SLC7A1: variants seen among roughly 807,000 people sequenced by gnomAD.
SLC7A1 encodes high affinity cationic amino acid transporter 1.
In SLC7A1, 10 loss-of-function variants were observed where a neutral mutation model predicts 53.9. The observed-to-expected ratio is 0.19, with a 90% confidence interval of 0.11 to 0.31. The LOEUF (loss-of-function observed/expected upper bound fraction) is 0.31, where lower values mean the gene tolerates loss of function less well. SLC7A1 is among the 10% of genes least tolerant of loss of function. The probability of loss-of-function intolerance (pLI) is 1.00; values close to 1 mark genes in which losing one functional copy is unlikely to be tolerated. For missense variants in SLC7A1, 525 were observed against 827.2 expected, an observed-to-expected ratio of 0.63 and a Z score of 4.48; for synonymous variants, 342 against 338.7, an observed-to-expected ratio of 1.01 and a Z score of -0.11.
At chr13:29,555,519 T>C (rs980840187) in intron 1 of SLC7A1, among the ~76,000 whole-genome samples, 18 of 151,842 alleles carry the variant, frequency 1.2e-4, no homozygotes, top group African/African-American at 4.1e-4. Context: ...TGCTCTATCA[T>C]GTACCATGAG....
chr13:29,533,163 C>A (rs999924980), intron 3 of SLC7A1, among the ~76,000 whole-genome samples, 181 bp from the exon 4 acceptor site: 2 of 152,138 alleles, frequency 1.3e-5, no homozygotes, highest in Non-Finnish European at 2.9e-5. Flanking sequence ...GTGCTAAGTG[C>A]GAGAAGGCTT....
Position 29,541,277 on chromosome 13 carries a change from T to TA in SLC7A1, c.-14-5076dup, listed in dbSNP as rs993262097. 9.9e-5 allele frequency among the ~76,000 whole-genome samples: 15 copies of TA among 151,994 alleles called. No individual in the cohort carries two copies. The Middle Eastern group carries it at 0.01, about 103-fold the overall frequency. On this transcript the variant is annotated intron_variant, in intron 2 of 12. Transcript: ENST00000380752. Reference sequence around the variant, plus strand: ...ACGGAAGGAGGTAGGCATGGTGTTATAAAAAAAGAGGTAAGGAAGAGACAG... The same window carrying TA: ...ACGGAAGGAGGTAGGCATGGTGTTATAAAAAAAAGAGGTAAGGAAGAGACAG...
intron 1 of SLC7A1, among the ~76,000 whole-genome samples, chr13:29,582,842 G>A (rs555203579): frequency 3.3e-5 from 5 of 152,144 alleles, no homozygotes; most frequent in Non-Finnish European, 7.3e-5. Context: ...ACTGAGATAC[G>A]TTCCTTCTAT....
In SLC7A1 at chr13:29,555,065, A is replaced by C. The variant is rs532423976; in HGVS notation, c.-114-1205T>G. 7.9e-5 allele frequency among the ~76,000 whole-genome samples: 12 copies of C among 152,252 alleles called. No individual in the cohort carries two copies. In the South Asian group the frequency reaches 1.5e-3, roughly 18 times the overall value. ...CATATGTCAATAAGTAACTGCTAAG[A>C]ATTACATTGTGGGCCGGGCGCGGTG... is the stretch of plus-strand genomic sequence containing the variant. On this transcript the variant is annotated intron_variant, in intron 1 of 12. Transcript: ENST00000380752.
At chr13:29,538,366 G>T (rs1433971662) in intron 2 of SLC7A1, among the ~76,000 whole-genome samples, 1 of 152,190 alleles carries the variant, frequency 6.6e-6, no homozygotes, top group Non-Finnish European at 1.5e-5. Context: ...TTTGAGAAGA[G>T]CAGGAAAAGG....
chr13:29,572,656 C>T (rs1871248595), intron 1 of SLC7A1, among the ~76,000 whole-genome samples: 1 of 152,210 alleles, frequency 6.6e-6, no homozygotes, highest in Admixed American at 6.5e-5. Flanking sequence ...CTCAGTAAGG[C>T]ACTGTGGCCC....
chr13:29,569,536 T>A (rs896188653), intron 1 of SLC7A1, among the ~76,000 whole-genome samples: 3 of 152,198 alleles, frequency 2.0e-5, no homozygotes, highest in Non-Finnish European at 4.4e-5. Flanking sequence ...CTTGACCTCA[T>A]GAGGCGGGGG....
Position 29,564,476 on chromosome 13 carries a change from C to T in SLC7A1, c.-114-10616G>A, listed in dbSNP as rs553249644. ...TATGAAGCGGAATCTCGGCTCAAAC[C>T]TCAGTGTGTGCGTCTAACTCTAAAT... On this transcript the variant is annotated intron_variant, in intron 1 of 12. Transcript: ENST00000380752. Among the ~76,000 whole-genome samples the T allele has an allele frequency of 4.6e-5, 7 of 152,336 alleles. No homozygotes were observed. The East Asian group carries it at 1.3e-3, about 29-fold the overall frequency.
At chr13:29,521,013 G>A (rs1233294964) in intron 8 of SLC7A1, among the ~76,000 whole-genome samples, 1 of 152,194 alleles carries the variant, frequency 6.6e-6, no homozygotes, top group East Asian at 1.9e-4. Context: ...CCCTCTATCA[G>A]CAGGGGAAGG....
intron 1 of SLC7A1, among the ~76,000 whole-genome samples, chr13:29,563,657 C>T (rs759079061): frequency 2.0e-5 from 3 of 152,158 alleles, no homozygotes; most frequent in Non-Finnish European, 2.9e-5. Flanking sequence ...GGGATGCCTT[C>T]GCCCTGCAGG....
chr13:29,522,040 A>G (rs529638540), intron 8 of SLC7A1, among the ~76,000 whole-genome samples: 1 of 152,266 alleles, frequency 6.6e-6, no homozygotes, highest in South Asian at 2.1e-4. Context: ...TGGGGAGAAA[A>G]GGTTTTCGAA....
intron 2 of SLC7A1, among the ~76,000 whole-genome samples, chr13:29,551,117 C>T (rs147792271): frequency 3.7e-3 from 565 of 152,190 alleles, no homozygotes; most frequent in Non-Finnish European, 6.3e-3. Context: ...GGGCCATGGT[C>T]GTAGGAAGTT....
At chr13:29,516,339 T>A in intron 11 of SLC7A1, 93 bp from the exon 12 acceptor site, 1 of 801,230 alleles carries the variant, frequency 1.2e-6, no homozygotes. Flanking sequence ...CAACTGAGAG[T>A]GACAGGGACC....
In SLC7A1 at chr13:29,514,526, G is replaced by A; in HGVS notation, c.1844C>T (p.Ala615Val). ...LWHSEEASLD[A>V]DQARTPDGNL... ...GCCGTCAGGAGTCCTTGCTTGGTCG[G>A]CATCCAGGGACGCCTCCTCGCTGTG... is the stretch of plus-strand genomic sequence containing the variant. Residue 615 changes from alanine to valine, a missense_variant, in exon 13 of 13, where the codon GCC (alanine) becomes GTC (valine). Around this residue, in one of 4 missense-constraint regions of SLC7A1, gnomAD observed 41 missense variants for 61.3 expected, o/e 0.67. Coordinates refer to ENST00000380752, the MANE Select transcript of SLC7A1 (RefSeq NM_003045.5). 6.2e-7 allele frequency: 1 copy of A among 1,611,262 alleles called. No homozygotes were observed. The highest frequency in any genetic ancestry group is 1.1e-5 in the South Asian group (1 of 91,060).
chr13:29,583,226 G>C (rs1465550939), intron 1 of SLC7A1, among the ~76,000 whole-genome samples: 1 of 152,226 alleles, frequency 6.6e-6, no homozygotes, highest in East Asian at 1.9e-4. Flanking sequence ...CCACAGTTCT[G>C]TTCCTTCAAG....
chr13:29,517,343 C>A (rs751401018), intron 10 of SLC7A1, 33 bp from the exon 11 acceptor site: 3 of 1,582,440 alleles, frequency 1.9e-6, no homozygotes, highest in Non-Finnish European at 2.6e-6. Flanking sequence ...CAAGCTGCAA[C>A]TCAACCATTT....
At chr13:29,565,482 G>A (rs906925656) in intron 1 of SLC7A1, among the ~76,000 whole-genome samples, 4 of 152,168 alleles carry the variant, frequency 2.6e-5, no homozygotes, top group Non-Finnish European at 5.9e-5. Context: ...GGAAGAGGGG[G>A]CCTGCTGTTG....
intron 9 of SLC7A1, 67 bp downstream of exon 9, chr13:29,519,380 T>C (rs1868516564): frequency 2.2e-6 from 2 of 923,960 alleles, no homozygotes; most frequent in Non-Finnish European, 3.5e-6. Flanking sequence ...AAACCATAGC[T>C]GAACTGTGAA....
chr13:29,549,405 A>G (rs1870074770), intron 2 of SLC7A1, among the ~76,000 whole-genome samples: 1 of 152,118 alleles, frequency 6.6e-6, no homozygotes, highest in Non-Finnish European at 1.5e-5. Context: ...CACGTGGTCC[A>G]TATTTTATCA....
Sources: allele counts gnomAD v4.1 joint callset (sites outside exome capture counted in the v4.1 genomes callset), GRCh38; gene constraint gnomAD v4.1.1; regional missense constraint gnomAD v4.1.1; transcripts MANE v1.5; gene names NCBI Gene and HGNC (gene_info 2026-07-23, HGNC 2026-07-21).